Variants in KCNQ1OT1 observed in about 807,000 individuals in gnomAD.
KCNQ1OT1 encodes the protein KCNQ1 opposite strand/antisense transcript 1.
exon 1 of KCNQ1OT1, chr11:2,638,162 C>A (rs958035686): frequency 6.6e-6 from 1 of 152,136 alleles, no homozygotes; most frequent in African/African-American, 2.4e-5. Flanking sequence ...TTAATTGGAG[C>A]CTTTAGCCTA....
exon 1 of KCNQ1OT1, chr11:2,660,937 A>G (rs888317088): frequency 1.0e-5 from 4 of 398,556 alleles, no homozygotes; most frequent in Non-Finnish European, 1.8e-5. Flanking sequence ...TGTCCATGAT[A>G]TACAGAATGG....
At chr11:2,655,330 G>C (rs1329727882) in exon 1 of KCNQ1OT1, 3 of 398,504 alleles carry the variant, frequency 7.5e-6, no homozygotes, top group Non-Finnish European at 1.3e-5. Flanking sequence ...ACAAAGCAAA[G>C]GCAGCCAAAG....
Position 2,648,292 on chromosome 11 carries a change from CTATT to C in KCNQ1OT1, n.51699_51702del, listed in dbSNP as rs1590003936. 1.0e-5 allele frequency: 4 copies of C among 398,452 alleles called. No homozygotes were observed. The East Asian group carries it at 1.4e-4, about 14-fold the overall frequency. 24.7% of individuals were successfully genotyped at this position (398,452 alleles called of 1,614,324 possible). On this transcript the variant is annotated non_coding_transcript_exon_variant, in exon 1 of 1. Coordinates refer to ENST00000597346, the Ensembl canonical transcript of KCNQ1OT1. ...TCATTTAGATCTGCTCTGATCTTTA[CTATT>C]TATTTCCTTCTAATTTTAGGTTTGA...
In KCNQ1OT1 at chr11:2,624,766, G is replaced by A; in HGVS notation, n.75229C>T. 1 of 398,312 alleles carries A rather than the reference G, an allele frequency of 2.5e-6. No homozygotes were observed. The highest frequency in any genetic ancestry group is 4.4e-6 in the Non-Finnish European group (1 of 226,012). 24.7% of individuals were successfully genotyped at this position (398,312 alleles called of 1,614,324 possible). A position where few individuals can be genotyped will look rare whatever the true frequency, so the allele number is the denominator to read the frequency against. On this transcript the variant is annotated non_coding_transcript_exon_variant, in exon 1 of 1. Coordinates refer to ENST00000597346, the Ensembl canonical transcript of KCNQ1OT1. This position sits in a 1 kb window ranked among gnomAD's most constrained non-coding sequence, Gnocchi z 4.9. ...ACCCCCCCACCACCGCCATCTCTTGGAAACCACCTTGTACTTTCTATGTCT... is the reference window on the plus strand; with the variant it reads ...ACCCCCCCACCACCGCCATCTCTTGAAAACCACCTTGTACTTTCTATGTCT...
At position 2,691,825 on chromosome 11, in the gene KCNQ1OT1, C is replaced by T. The variant is rs1850593355; in HGVS notation, n.8170G>A. The T allele has an allele frequency of 7.5e-6, 3 of 398,598 alleles. No homozygotes were observed. The highest frequency in any genetic ancestry group is 1.3e-5 in the Non-Finnish European group (3 of 226,156). The allele number at this position is 398,598 out of a possible 1,614,324, so 24.7% of individuals were successfully genotyped here. ...ATCACAAGCACTGGATCCAATGTGA[C>T]CTCTGCCAGGACCATGACCCCTAGG... On this transcript the variant is annotated non_coding_transcript_exon_variant, in exon 1 of 1. Coordinates refer to ENST00000597346, the Ensembl canonical transcript of KCNQ1OT1. This position sits in a 1 kb window ranked among gnomAD's most constrained non-coding sequence, Gnocchi z 6.4.
At position 2,682,475 on chromosome 11, in the gene KCNQ1OT1, C is replaced by CTGAGT. The variant is rs112547618; in HGVS notation, n.17519_17520insACTCA. 7.6e-6 allele frequency: 3 copies of CTGAGT among 393,984 alleles called. No individual in the cohort carries two copies. The Admixed American group carries it at 1.3e-4, about 18-fold the overall frequency. The allele number at this position is 393,984 out of a possible 1,614,324, so 24.4% of individuals were successfully genotyped here. A position where few individuals can be genotyped will look rare whatever the true frequency, so the allele number is the denominator to read the frequency against. On this transcript the variant is annotated non_coding_transcript_exon_variant, in exon 1 of 1. Coordinates refer to ENST00000597346, the Ensembl canonical transcript of KCNQ1OT1. This position sits in a 1 kb window ranked among gnomAD's most constrained non-coding sequence, Gnocchi z 5.8. ...TCACGGACCCTCAGTGAATGTTTGA[C>CTGAGT]GAGTGAGTGAGTGAGTGAGTGAGTG... is the stretch of plus-strand genomic sequence containing the variant.
exon 1 of KCNQ1OT1, chr11:2,666,802 TG>T: frequency 2.5e-6 from 1 of 398,674 alleles, no homozygotes; most frequent in Non-Finnish European, 4.4e-6. Flanking sequence ...CTGTAAACTT[TG>T]GTGGGAAAGG....
Position 2,679,871 on chromosome 11 carries a change from G to C in KCNQ1OT1, n.20124C>G, listed in dbSNP as rs151249337. ...CATGCATTTTTTTCATATAAACTTAGAACTAGCACGCCTAATTTTTTTTTT... is the reference window on the plus strand; with the variant it reads ...CATGCATTTTTTTCATATAAACTTACAACTAGCACGCCTAATTTTTTTTTT... On this transcript the variant is annotated non_coding_transcript_exon_variant, in exon 1 of 1. Coordinates refer to ENST00000597346, the Ensembl canonical transcript of KCNQ1OT1. This position sits in a 1 kb window ranked among gnomAD's most constrained non-coding sequence, Gnocchi z 4.8. 267 of 398,300 alleles carry C rather than the reference G, an allele frequency of 6.7e-4. No individual in the cohort carries two copies. Among genetic ancestry groups the C allele is most frequent in the African/African-American group, 5.2e-3 (253 of 48,666 alleles). The allele number at this position is 398,300 out of a possible 1,614,324, so 24.7% of individuals were successfully genotyped here.
exon 1 of KCNQ1OT1, chr11:2,635,584 G>A (rs1849450922): frequency 6.6e-6 from 1 of 152,150 alleles, no homozygotes; most frequent in South Asian, 2.1e-4. Flanking sequence ...GGTGACTGTA[G>A]CCTTGTAGTA....
exon 1 of KCNQ1OT1, chr11:2,630,155 A>G (rs1849329737): frequency 2.5e-6 from 1 of 398,172 alleles, no homozygotes; most frequent in South Asian, 1.3e-4. Flanking sequence ...GAACTGCATT[A>G]TTTGCACTTA....
At position 2,669,304 on chromosome 11, in the gene KCNQ1OT1, C is replaced by T; in HGVS notation, n.30691G>A. On this transcript the variant is annotated non_coding_transcript_exon_variant, in exon 1 of 1. Transcript: ENST00000597346. This position sits in a 1 kb window ranked among gnomAD's most constrained non-coding sequence, Gnocchi z 5.6. Reference sequence around the variant, plus strand: ...GGGTTTCTCCTCACCATACATATGCCAGTTGCCATGGAAAGCCTCCTCTAG... The same window carrying T: ...GGGTTTCTCCTCACCATACATATGCTAGTTGCCATGGAAAGCCTCCTCTAG... The T allele has an allele frequency of 5.0e-6, 2 of 398,626 alleles. No individual in the cohort carries two copies. The highest frequency in any genetic ancestry group is 6.3e-4 in the Middle Eastern group (1 of 1,588). 24.7% of individuals were successfully genotyped at this position (398,626 alleles called of 1,614,324 possible).
chr11:2,691,622 C>A lies in KCNQ1OT1; in HGVS notation n.8373G>T. 2.5e-6 allele frequency: 1 copy of A among 398,590 alleles called. No individual in the cohort carries two copies. Among genetic ancestry groups the A allele is most frequent in the South Asian group, 1.3e-4 (1 of 7,856 alleles). The allele number at this position is 398,590 out of a possible 1,614,324, so 24.7% of individuals were successfully genotyped here. On this transcript the variant is annotated non_coding_transcript_exon_variant, in exon 1 of 1. Coordinates refer to ENST00000597346, the Ensembl canonical transcript of KCNQ1OT1. This position sits in a 1 kb window ranked among gnomAD's most constrained non-coding sequence, Gnocchi z 6.4. ...CAACCTAGCTTGTTCCCTGCACGTA[C>A]TGTGGGGAGGTCCTCTTTACCGCCA...
chr11:2,616,241 CCTA>C (rs1256436314), exon 1 of KCNQ1OT1: 2 of 383,344 alleles, frequency 5.2e-6, no homozygotes, highest in African/African-American at 4.5e-5. Context: ...TTGTTGTGTT[CCTA>C]CTTTTGTTTA....
chr11:2,640,629 A>T (rs1849559052), exon 1 of KCNQ1OT1: 1 of 397,312 alleles, frequency 2.5e-6, no homozygotes, highest in Non-Finnish European at 4.4e-6. Flanking sequence ...ACATGCATCG[A>T]ATGTGTAATG....
chr11:2,651,176 A>C lies in KCNQ1OT1; in HGVS notation n.48819T>G. On this transcript the variant is annotated non_coding_transcript_exon_variant, in exon 1 of 1. Coordinates refer to ENST00000597346, the Ensembl canonical transcript of KCNQ1OT1. This position sits in a 1 kb window ranked among gnomAD's most constrained non-coding sequence, Gnocchi z 6.1. ...GTACAGTGGATCTTGCTGCTTCCCT[A>C]CTCAAATGTTCCGACAGCTTCCTGT... 2.5e-6 allele frequency: 1 copy of C among 398,262 alleles called. No homozygotes were observed. The highest frequency in any genetic ancestry group is 4.4e-6 in the Non-Finnish European group (1 of 226,008). The allele number at this position is 398,262 out of a possible 1,614,324, so 24.7% of individuals were successfully genotyped here.
exon 1 of KCNQ1OT1, chr11:2,680,863 C>G (rs2133880389): frequency 2.5e-6 from 1 of 398,588 alleles, no homozygotes; most frequent in East Asian, 3.6e-5. Flanking sequence ...GCACAATTCC[C>G]TGAAGATTCA....
Position 2,621,007 on chromosome 11 carries a change from T to C in KCNQ1OT1, n.78988A>G, listed in dbSNP as rs1268965359. The C allele has an allele frequency of 2.5e-6, 1 of 397,232 alleles. No homozygotes were observed. Among genetic ancestry groups the C allele is most frequent in the Non-Finnish European group, 4.4e-6 (1 of 225,872 alleles). 24.6% of individuals were successfully genotyped at this position (397,232 alleles called of 1,614,324 possible). A position where few individuals can be genotyped will look rare whatever the true frequency, so the allele number is the denominator to read the frequency against. ...TTTGTTTGTTTTTTGAGAAAGAGTC[T>C]TGCTCTGTCTCCCAGGCTGGAGTGC... On this transcript the variant is annotated non_coding_transcript_exon_variant, in exon 1 of 1. Coordinates refer to ENST00000597346, the Ensembl canonical transcript of KCNQ1OT1. The surrounding 1 kb of genome is among the most constrained non-coding windows in gnomAD (Gnocchi z 5.7).
At position 2,642,029 on chromosome 11, in the gene KCNQ1OT1, C is replaced by T. The variant is rs1421452737; in HGVS notation, n.57966G>A. The T allele has an allele frequency of 2.5e-6, 1 of 398,138 alleles. No homozygotes were observed. Among genetic ancestry groups the T allele is most frequent in the Non-Finnish European group, 4.4e-6 (1 of 225,874 alleles). The allele number at this position is 398,138 out of a possible 1,614,324, so 24.7% of individuals were successfully genotyped here. A position where few individuals can be genotyped will look rare whatever the true frequency, so the allele number is the denominator to read the frequency against. The stretch of plus-strand genomic sequence containing the variant: ...TACCATGCTGCTTTTAATGCTATAG[C>T]CTTATATTTTTAAATCAGGCAGTGT... On this transcript the variant is annotated non_coding_transcript_exon_variant, in exon 1 of 1. Coordinates refer to ENST00000597346, the Ensembl canonical transcript of KCNQ1OT1. This position sits in a 1 kb window ranked among gnomAD's most constrained non-coding sequence, Gnocchi z 4.3.
chr11:2,629,251 A>G (rs10430888), exon 1 of KCNQ1OT1: 360,509 of 398,304 alleles, frequency 0.91, 163,395 homozygotes, highest in East Asian at 0.99. Context: ...ATTTATTTGT[A>G]TCATCTTAGA....
Sources: gnomAD v4.1 joint callset for allele counts on GRCh38, gnomAD v4.1.1 for gene constraint, Gnocchi (gnomAD v3.1) non-coding constraint, MANE v1.5 for transcripts, NCBI Gene and HGNC (gene_info 2026-07-23, HGNC 2026-07-21) for gene names.